Variants in MARCHF1 observed in about 807,000 individuals in gnomAD.
The protein encoded by MARCHF1 is E3 ubiquitin-protein ligase MARCHF1.
In MARCHF1, 40 loss-of-function variants were observed where a neutral mutation model predicts 54.2. The ratio of observed to expected loss-of-function variants is 0.74; its 90% CI spans 0.57 to 0.96. The LOEUF (loss-of-function observed/expected upper bound fraction) is 0.96, where lower values mean the gene tolerates loss of function less well. MARCHF1 is among the 40% of genes least tolerant of loss of function. MARCHF1 has a pLI of 0.00. For missense variants in MARCHF1, 586 were observed against 656.5 expected, an observed-to-expected ratio of 0.89 and a Z score of 1.17; for synonymous variants, 236 against 236.3, an observed-to-expected ratio of 1.00 and a Z score of 0.01.
At chr4:164,266,846 T>C (rs4056028) in intron 1 of MARCHF1, among the ~76,000 whole-genome samples, 1 of 152,178 alleles carries the variant, frequency 6.6e-6, no homozygotes, top group South Asian at 2.1e-4. Flanking sequence ...TCACTAAATT[T>C]AGAAAATGAC....
intron 2 of MARCHF1, among the ~76,000 whole-genome samples, chr4:164,006,440 A>G (rs1201963007): frequency 1.3e-5 from 2 of 151,990 alleles, no homozygotes; most frequent in Non-Finnish European, 2.9e-5. Context: ...ATGAAAAATA[A>G]AAAAAAGGAA....
chr4:163,621,587 C>T (rs1188333865), intron 5 of MARCHF1, among the ~76,000 whole-genome samples: 1 of 151,998 alleles, frequency 6.6e-6, no homozygotes, highest in Non-Finnish European at 1.5e-5. Context: ...CCAATTTTTG[C>T]TTTATATATC....
chr4:164,011,704 T>C (rs1385692717), intron 2 of MARCHF1, among the ~76,000 whole-genome samples: 1 of 152,042 alleles, frequency 6.6e-6, no homozygotes, highest in Non-Finnish European at 1.5e-5. Flanking sequence ...TATTACAGAG[T>C]CAGTATGAAG....
At chr4:164,351,194 C>T (rs1201265728) in intron 1 of MARCHF1, among the ~76,000 whole-genome samples, 3 of 150,632 alleles carry the variant, frequency 2.0e-5, no homozygotes, top group Non-Finnish European at 3.0e-5. Context: ...TAGGGGCGCC[C>T]GCCATTGCCC....
At position 164,281,295 on chromosome 4, in the gene MARCHF1, A is replaced by G. The variant is rs1734020267; in HGVS notation, c.-323+102575T>C. Among the ~76,000 whole-genome samples, 6 of 152,240 alleles carry G rather than the reference A, an allele frequency of 3.9e-5. No individual in the cohort carries two copies. The South Asian group carries it at 1.2e-3, about 32-fold the overall frequency. On this transcript the variant is annotated intron_variant, in intron 1 of 9. Transcript: ENST00000514618. ...AATAACTATCAAACACCTCTCTTCT[A>G]GGGTTGGATATACAAATCATACTGC...
chr4:164,189,275 C>T (rs773316214), intron 1 of MARCHF1: 51 of 591,536 alleles, frequency 8.6e-5, no homozygotes, highest in Non-Finnish European at 1.3e-4. Context: ...TGGGCCCTGT[C>T]TCCTCAACAT....
intron 4 of MARCHF1, among the ~76,000 whole-genome samples, chr4:163,848,901 T>G (rs1188700472): frequency 6.6e-6 from 1 of 152,126 alleles, no homozygotes; most frequent in Non-Finnish European, 1.5e-5. Context: ...ATCAGGTCAG[T>G]TATGGAGAAT....
chr4:163,880,571 CTG>C (rs1387444716), intron 3 of MARCHF1, among the ~76,000 whole-genome samples: 4 of 151,394 alleles, frequency 2.6e-5, no homozygotes, highest in Admixed American at 6.6e-5. Context: ...AATATATTGA[CTG>C]TAAATATTTT....
intron 8 of MARCHF1, among the ~76,000 whole-genome samples, chr4:163,553,936 T>C: frequency 6.6e-6 from 1 of 152,164 alleles, no homozygotes; most frequent in Admixed American, 6.5e-5. Flanking sequence ...AATGGATACA[T>C]GAAAAAAATG....
chr4:163,801,929 A>G (rs1748094258), intron 4 of MARCHF1, among the ~76,000 whole-genome samples: 1 of 151,860 alleles, frequency 6.6e-6, no homozygotes, highest in South Asian at 2.1e-4. Context: ...CAAGAGAGAA[A>G]TTTTTACTTT....
intron 1 of MARCHF1, among the ~76,000 whole-genome samples, chr4:164,155,677 G>A (rs921695661): frequency 6.6e-6 from 1 of 151,950 alleles, no homozygotes; most frequent in African/African-American, 2.4e-5. Flanking sequence ...GAGACTTGGT[G>A]GGGGGAAGGG....
rs114410285 is a variant in MARCHF1 at position 163,532,969 on chromosome 4, A to G, written c.1340-3923T>C. On this transcript the variant is annotated intron_variant, in intron 9 of 9. Transcript: ENST00000514618. ...GAAGACAGTCTGGCAGTTTTTTACA[A>G]TGGTAACCACAGCTTTTCAAATGAT... 4.1e-3 allele frequency among the ~76,000 whole-genome samples: 624 copies of G among 152,080 alleles called. 9 individuals are homozygous for G. The highest frequency in any genetic ancestry group is 0.014 in the African/African-American group (584 of 41,526).
intron 1 of MARCHF1, among the ~76,000 whole-genome samples, chr4:164,176,963 T>C (rs1730685575): frequency 3.9e-5 from 2 of 51,138 alleles, no homozygotes; most frequent in African/African-American, 2.1e-4. Context: ...TCTCTCTCTC[T>C]CTCTCTCTCT....
chr4:163,822,212 A>T, intron 4 of MARCHF1, among the ~76,000 whole-genome samples: 1 of 151,868 alleles, frequency 6.6e-6, no homozygotes, highest in Admixed American at 6.6e-5. Context: ...TTTTTAATGA[A>T]CATTCACTCT....
intron 2 of MARCHF1, among the ~76,000 whole-genome samples, chr4:164,028,830 G>A (rs1753821487): frequency 6.6e-6 from 1 of 152,290 alleles, no homozygotes; most frequent in East Asian, 1.9e-4. Context: ...ATACACTGCA[G>A]AATGAATGGA....
At chr4:164,233,960 A>G (rs908668362) in intron 1 of MARCHF1, among the ~76,000 whole-genome samples, 1 of 152,220 alleles carries the variant, frequency 6.6e-6, no homozygotes, top group Non-Finnish European at 1.5e-5. Flanking sequence ...TAGATGCCAC[A>G]TGAGTATTAT....
At chr4:164,169,878 C>A (rs923999594) in intron 1 of MARCHF1, among the ~76,000 whole-genome samples, 1 of 152,096 alleles carries the variant, frequency 6.6e-6, no homozygotes, top group Non-Finnish European at 1.5e-5. Flanking sequence ...GAAAACACAA[C>A]CAAGAGATTT....
chr4:164,090,155 C>T (rs1217277394), intron 2 of MARCHF1, among the ~76,000 whole-genome samples: 6 of 151,976 alleles, frequency 3.9e-5, no homozygotes, highest in African/African-American at 1.4e-4. Context: ...CTAACCAATA[C>T]GTGTAAATTA....
chr4:163,793,964 C>CGGTGT (rs1342989833), intron 4 of MARCHF1, among the ~76,000 whole-genome samples: 1 of 152,104 alleles, frequency 6.6e-6, no homozygotes, highest in Non-Finnish European at 1.5e-5. Flanking sequence ...TTCTTTAACT[C>CGGTGT]GGTGTCTGAG....
Sources: allele counts gnomAD v4.1 joint callset (sites outside exome capture counted in the v4.1 genomes callset), GRCh38; gene constraint gnomAD v4.1.1; transcripts MANE v1.5; gene names NCBI Gene and HGNC (gene_info 2026-07-23, HGNC 2026-07-21).